SLC25A21: variants seen among roughly 807,000 people sequenced by gnomAD.
SLC25A21 encodes solute carrier family 25 member 21.
SLC25A21 carries 47 observed loss-of-function variants against 43.8 expected under a neutral mutation model. The observed-to-expected ratio is 1.07, with a 90% CI of 0.85 to 1.37. The LOEUF (loss-of-function observed/expected upper bound fraction) is 1.37, where lower values mean the gene tolerates loss of function less well. Among genes scored for constraint, SLC25A21 ranks in the 40% most tolerant of loss-of-function variants. The pLI, the probability that SLC25A21 is intolerant of heterozygous loss-of-function variation, is 0.00. For synonymous variants in SLC25A21, 131 were observed against 121.3 expected, an observed-to-expected ratio of 1.08 and a Z score of -0.52; for missense variants, 352 against 350.2, an observed-to-expected ratio of 1.00 and a Z score of -0.04.
chr14:36,692,672 G>A (rs1469336179), intron 7 of SLC25A21, among the ~76,000 whole-genome samples: 1 of 152,218 alleles, frequency 6.6e-6, no homozygotes, highest in Non-Finnish European at 1.5e-5. Flanking sequence ...GGTTAAGGAA[G>A]ATGAGAAAGC....
rs535025040 is a variant in SLC25A21 at position 36,919,067 on chromosome 14, T to G, written c.71-44063A>C. Among the ~76,000 whole-genome samples, 3 of 151,780 alleles carry G rather than the reference T, an allele frequency of 2.0e-5. No individual in the cohort carries two copies. In the South Asian group the frequency reaches 6.2e-4, roughly 32 times the overall value. On this transcript the variant is annotated intron_variant, in intron 1 of 9. Transcript: ENST00000331299. ...GTTCTTCCCACTGGTCCTAGGAACATTCATATAAAATAAATGAATGGATGA... is the reference window on the plus strand; with the variant it reads ...GTTCTTCCCACTGGTCCTAGGAACAGTCATATAAAATAAATGAATGGATGA...
rs1944478047 is a variant in SLC25A21 at position 37,043,932 on chromosome 14, G to GTTTT, written c.70+128345_70+128348dup. 3.0e-4 allele frequency among the ~76,000 whole-genome samples: 27 copies of GTTTT among 89,708 alleles called. 1 individual carries two copies. Among genetic ancestry groups the GTTTT allele is most frequent in the African/African-American group, 1.9e-3 (23 of 12,308 alleles). 58.9% of individuals were successfully genotyped at this position (89,708 alleles called of 152,430 possible). On this transcript the variant is annotated intron_variant, in intron 1 of 9. Coordinates refer to ENST00000331299, the MANE Select transcript of SLC25A21 (RefSeq NM_030631.4). Reference sequence around the variant, plus strand: ...TTGTTTTTTGTTTTGTTTGTTTTATGTTTTTTTGTTTTTTTTTTTTTTTTT... The same window carrying GTTTT: ...TTGTTTTTTGTTTTGTTTGTTTTATGTTTTTTTTTTTGTTTTTTTTTTTTTTTTT...
chr14:37,012,867 A>G (rs1167259673), intron 1 of SLC25A21, among the ~76,000 whole-genome samples: 3 of 152,144 alleles, frequency 2.0e-5, no homozygotes, highest in Non-Finnish European at 4.4e-5. Flanking sequence ...CACTGTCAGA[A>G]TGACAAAACT....
At chr14:36,905,621 A>ATT (rs112429306) in intron 1 of SLC25A21, among the ~76,000 whole-genome samples, 1 of 146,428 alleles carries the variant, frequency 6.8e-6, no homozygotes, top group African/African-American at 2.5e-5. Flanking sequence ...CCCCGAAGGG[A>ATT]TTTTTTTTTT....
chr14:36,683,346 C>A (rs939664762), intron 9 of SLC25A21, among the ~76,000 whole-genome samples: 4 of 152,164 alleles, frequency 2.6e-5, no homozygotes, highest in African/African-American at 7.2e-5. Flanking sequence ...TACGGTGTCA[C>A]CACTCCCCAG....
At chr14:37,155,446 C>T (rs1963831804) in intron 1 of SLC25A21, among the ~76,000 whole-genome samples, 1 of 152,104 alleles carries the variant, frequency 6.6e-6, no homozygotes, top group Non-Finnish European at 1.5e-5. Flanking sequence ...CTCAACAATA[C>T]CTAGGAAGAT....
intron 1 of SLC25A21, among the ~76,000 whole-genome samples, chr14:36,941,351 G>A (rs1399577340): frequency 6.6e-6 from 1 of 152,032 alleles, no homozygotes; most frequent in African/African-American, 2.4e-5. Flanking sequence ...ATTGTATAGA[G>A]AGTATTTTGA....
At chr14:37,011,090 T>C (rs895195654) in intron 1 of SLC25A21, among the ~76,000 whole-genome samples, 1 of 152,300 alleles carries the variant, frequency 6.6e-6, no homozygotes. Context: ...TTTCACCTTG[T>C]TGGCCAGGCT....
chr14:37,082,467 G>C (rs537867439), intron 1 of SLC25A21, among the ~76,000 whole-genome samples: 1 of 152,252 alleles, frequency 6.6e-6, no homozygotes, highest in South Asian at 2.1e-4. Context: ...TTTAAAAAGA[G>C]AGAGTGGGCT....
chr14:37,148,902 A>G (rs1963712672), intron 1 of SLC25A21, among the ~76,000 whole-genome samples: 2 of 152,258 alleles, frequency 1.3e-5, no homozygotes, highest in South Asian at 2.1e-4. Flanking sequence ...AAGCATACCA[A>G]TGAAAACATT....
chr14:36,680,089 T>A lies in SLC25A21; in HGVS notation c.*569A>T, dbSNP rs982955668. ...AGTTACTAAAAAAAACCAACAGATT[T>A]ACATTTTAACATAGTATTCATAAAA... On this transcript the variant is annotated 3_prime_UTR_variant, in exon 10 of 10. Transcript: ENST00000331299. 2.3e-6 allele frequency: 2 copies of A among 885,872 alleles called. No homozygotes were observed. The highest frequency in any genetic ancestry group is 1.8e-5 in the African/African-American group (1 of 55,040). The allele number at this position is 885,872 out of a possible 1,614,324, so 54.9% of individuals were successfully genotyped here. A position where few individuals can be genotyped will look rare whatever the true frequency, so the allele number is the denominator to read the frequency against.
intron 7 of SLC25A21, among the ~76,000 whole-genome samples, chr14:36,685,582 GT>G (rs1566493041): frequency 6.6e-6 from 1 of 152,176 alleles, no homozygotes; most frequent in South Asian, 2.1e-4. Context: ...ACAATCCATT[GT>G]TTTGGAATCT....
intron 1 of SLC25A21, among the ~76,000 whole-genome samples, chr14:37,147,839 C>CTTTTTTTTTTTTTTTTT (rs1566913739): frequency 2.3e-5 from 1 of 42,582 alleles, no homozygotes; most frequent in Admixed American, 4.4e-4. Context: ...TCTTTTTTTT[C>CTTTTTTTTTTTTTTTTT]TTTTCTTTTT....
At chr14:37,070,074 CTT>C (rs1055005116) in intron 1 of SLC25A21, among the ~76,000 whole-genome samples, 1 of 152,148 alleles carries the variant, frequency 6.6e-6, no homozygotes, top group African/African-American at 2.4e-5. Flanking sequence ...CATGTGTCTC[CTT>C]TTGGAACCTG....
intron 3 of SLC25A21, chr14:36,806,965 G>A (rs1168681172): frequency 6.6e-6 from 1 of 152,206 alleles, no homozygotes; most frequent in Non-Finnish European, 1.5e-5. Context: ...CTCGAGGGAG[G>A]TCCAGTGGGT....
intron 9 of SLC25A21, among the ~76,000 whole-genome samples, chr14:36,682,279 T>C (rs10149115): frequency 0.49 from 73,723 of 151,794 alleles, 18,345 homozygotes; most frequent in African/African-American, 0.56. Flanking sequence ...TTCTTTGCTT[T>C]GAAGTCGCTG....
intron 5 of SLC25A21, among the ~76,000 whole-genome samples, chr14:36,728,394 C>T (rs1884683622): frequency 6.6e-6 from 1 of 152,160 alleles, no homozygotes; most frequent in South Asian, 2.1e-4. Flanking sequence ...TATTGTTTCT[C>T]ACTAGGAAAT....
At chr14:37,089,296 T>G (rs1199324289) in intron 1 of SLC25A21, among the ~76,000 whole-genome samples, 1 of 152,244 alleles carries the variant, frequency 6.6e-6, no homozygotes, top group Non-Finnish European at 1.5e-5. Context: ...ATATATTTTC[T>G]ACAGTCTTAT....
intron 1 of SLC25A21, among the ~76,000 whole-genome samples, chr14:36,952,743 G>T (rs1892843585): frequency 6.6e-6 from 1 of 152,198 alleles, no homozygotes; most frequent in Admixed American, 6.5e-5. Flanking sequence ...CCTTAGCGTT[G>T]TGACAATAAA....
Sources: allele counts gnomAD v4.1 joint callset (sites outside exome capture counted in the v4.1 genomes callset), GRCh38; gene constraint gnomAD v4.1.1; transcripts MANE v1.5; gene names NCBI Gene and HGNC (gene_info 2026-07-23, HGNC 2026-07-21).